The following CNOT2 variants were observed in gnomAD, a reference collection of about 807,000 sequenced individuals.
The protein encoded by CNOT2 is CCR4-NOT transcription complex subunit 2.
Under a neutral mutation model 72.1 loss-of-function variants are expected in CNOT2, and 7 were observed. That is an observed-to-expected ratio of 0.10 (90% CI 0.06 to 0.18). The LOEUF is 0.18. CNOT2 is among the 10% of genes least tolerant of loss of function. The pLI is 1.00. For synonymous variants in CNOT2, 196 were observed against 225.6 expected, an observed-to-expected ratio of 0.87 and a Z score of 1.17; for missense variants, 345 against 660.3, an observed-to-expected ratio of 0.52 and a Z score of 5.23.
rs542313164 is a variant in CNOT2, at chr12:70,278,928, G to T, written c.48+654G>T. Among the ~76,000 whole-genome samples, 12 of 152,304 alleles carry T rather than the reference G, an allele frequency of 7.9e-5. No homozygotes were observed. The East Asian group carries it at 1.5e-3, about 20-fold the overall frequency. On this transcript the variant is annotated intron_variant, in intron 2 of 15. Coordinates refer to ENST00000229195, the MANE Select transcript of CNOT2 (RefSeq NM_014515.7). ...ATTTTAAAGATTGTGCTATTAAACA[G>T]TGATTTAAAGAAAACCAACATATTT...
intron 15 of CNOT2, among the ~76,000 whole-genome samples, chr12:70,352,898 T>G (rs1032613479): frequency 3.9e-5 from 6 of 152,148 alleles, no homozygotes; most frequent in African/African-American, 1.4e-4. Context: ...TAAAGTGAGC[T>G]GCTATCTAGT....
intron 2 of CNOT2, among the ~76,000 whole-genome samples, chr12:70,283,896 C>G (rs2135829742): frequency 6.7e-6 from 1 of 150,024 alleles, no homozygotes; most frequent in African/African-American, 2.5e-5. Flanking sequence ...ATCACATGAT[C>G]AGCAACGGAA....
chr12:70,344,376 GA>G (rs1453868867), intron 14 of CNOT2, 148 bp downstream of exon 14: 20 of 572,964 alleles, frequency 3.5e-5, no homozygotes, highest in Non-Finnish European at 4.6e-5. Context: ...ATTTAATTTA[GA>G]TTAAAACCGT....
At chr12:70,243,910 G>C (rs1957719306) in intron 1 of CNOT2, 1 of 152,266 alleles carries the variant, frequency 6.6e-6, no homozygotes, top group South Asian at 2.1e-4. Context: ...GAAGGCGGCA[G>C]CGGCCGTGGC....
chr12:70,300,359 C>A (rs1873700180), intron 2 of CNOT2, among the ~76,000 whole-genome samples: 1 of 152,190 alleles, frequency 6.6e-6, no homozygotes, highest in Non-Finnish European at 1.5e-5. Context: ...TTAGGTCTAA[C>A]ATTTAAGTCT....
At chr12:70,291,862 G>A (rs779012364) in intron 2 of CNOT2, among the ~76,000 whole-genome samples, 1 of 152,166 alleles carries the variant, frequency 6.6e-6, no homozygotes, top group Non-Finnish European at 1.5e-5. Flanking sequence ...GCGTGAACCA[G>A]GGAGGCGGAG....
chr12:70,247,064 G>A (rs993198281), intron 1 of CNOT2, among the ~76,000 whole-genome samples: 4 of 151,910 alleles, frequency 2.6e-5, no homozygotes, highest in African/African-American at 9.7e-5. Flanking sequence ...GGCACTTCAG[G>A]GTTTTGTATA....
chr12:70,332,743 TA>T (rs1179209668), intron 6 of CNOT2, 23 bp from the exon 7 acceptor site: 1 of 1,585,540 alleles, frequency 6.3e-7, no homozygotes, highest in Admixed American at 1.8e-5. Context: ...ACTGTATATC[TA>T]AAACTATTTT....
chr12:70,305,388 C>T (rs77477371), intron 2 of CNOT2, among the ~76,000 whole-genome samples: 9,371 of 152,204 alleles, frequency 0.062, 444 homozygotes, highest in East Asian at 0.16. Context: ...TCACCTCCCA[C>T]GGGGTTCCTT....
At chr12:70,300,504 A>G (rs1358880410) in intron 2 of CNOT2, among the ~76,000 whole-genome samples, 1 of 152,122 alleles carries the variant, frequency 6.6e-6, no homozygotes, top group Non-Finnish European at 1.5e-5. Flanking sequence ...TGTTTTTGTC[A>G]GGTTTGTCAA....
chr12:70,284,523 A>G (rs907027293), intron 2 of CNOT2, among the ~76,000 whole-genome samples: 2 of 151,796 alleles, frequency 1.3e-5, no homozygotes, highest in African/African-American at 4.8e-5. Context: ...TTGGAATTAC[A>G]GGCATGAGCC....
At chr12:70,325,969 C>A (rs1879011161) in intron 4 of CNOT2, among the ~76,000 whole-genome samples, 1 of 151,600 alleles carries the variant, frequency 6.6e-6, no homozygotes, top group African/African-American at 2.4e-5. Context: ...CGTATTTTGC[C>A]ATAAGTGTTT....
At chr12:70,257,710 A>G (rs934886913) in intron 1 of CNOT2, among the ~76,000 whole-genome samples, 34 of 152,136 alleles carry the variant, frequency 2.2e-4, no homozygotes, top group Non-Finnish European at 4.1e-4. Flanking sequence ...CCTAGCATCT[A>G]TTGTAATTAG....
At chr12:70,324,512 T>A (rs1351272861) in intron 4 of CNOT2, among the ~76,000 whole-genome samples, 1 of 151,750 alleles carries the variant, frequency 6.6e-6, no homozygotes, top group Non-Finnish European at 1.5e-5. Context: ...CAAGAATGAT[T>A]TCTAAGGTTT....
At chr12:70,292,870 C>T (rs1872155597) in intron 2 of CNOT2, among the ~76,000 whole-genome samples, 1 of 152,136 alleles carries the variant, frequency 6.6e-6, no homozygotes, top group Non-Finnish European at 1.5e-5. Context: ...TGTTTAGAAA[C>T]ATTTTAAAGA....
At chr12:70,259,880 TG>T (rs1002095137) in intron 1 of CNOT2, among the ~76,000 whole-genome samples, 3 of 152,218 alleles carry the variant, frequency 2.0e-5, no homozygotes, top group African/African-American at 7.2e-5. Flanking sequence ...GAGATAATAG[TG>T]AAAAATGTGC....
chr12:70,305,718 G>A (rs950714426), intron 2 of CNOT2, among the ~76,000 whole-genome samples: 2 of 152,108 alleles, frequency 1.3e-5, no homozygotes, highest in Non-Finnish European at 2.9e-5. Flanking sequence ...AAGTCATGTT[G>A]AGGTGATGAT....
At chr12:70,251,386 C>G (rs1309824128) in intron 1 of CNOT2, among the ~76,000 whole-genome samples, 2 of 151,990 alleles carry the variant, frequency 1.3e-5, no homozygotes, top group African/African-American at 4.8e-5. Context: ...ATGCACAAAT[C>G]CTAGGAAAAT....
intron 2 of CNOT2, among the ~76,000 whole-genome samples, chr12:70,292,736 A>G (rs1872134351): frequency 6.6e-6 from 1 of 152,120 alleles, no homozygotes; most frequent in Admixed American, 6.5e-5. Context: ...TTGATTTCTG[A>G]TGTTCTTTTA....
Sources: allele counts gnomAD v4.1 joint callset (sites outside exome capture counted in the v4.1 genomes callset), GRCh38; gene constraint gnomAD v4.1.1; transcripts MANE v1.5; gene names NCBI Gene and HGNC (gene_info 2026-07-23, HGNC 2026-07-21).